The following ELAC2 variants were observed in gnomAD, a reference collection of about 807,000 sequenced individuals.
ELAC2 encodes the protein zinc phosphodiesterase ELAC protein 2.
A neutral mutation model predicts 105.2 loss-of-function variants in ELAC2; 92 were observed. The ratio of observed to expected loss-of-function variants is 0.87; its 90% CI spans 0.74 to 1.04. ELAC2 has a LOEUF of 1.04. ELAC2 is among the 50% of genes least tolerant of loss of function. The probability of loss-of-function intolerance (pLI) is 0.00; values close to 1 mark genes in which losing one functional copy is unlikely to be tolerated. For missense variants in ELAC2, 1,099 were observed against 1,071.7 expected (o/e 1.03, Z -0.36); for synonymous variants, 468 against 409.1 (o/e 1.14, Z -1.74).
chr17:13,002,776 C>T (rs927271732), intron 12 of ELAC2, 197 bp from the exon 13 acceptor site: 21 of 810,674 alleles, frequency 2.6e-5, no homozygotes, highest in Non-Finnish European at 3.8e-5. Context: ...AGCTCAGCTG[C>T]CTTTCAGGTG....
In ELAC2 at chr17:13,011,613, A is replaced by G. The variant is rs761430556; in HGVS notation, c.679+50T>C. 7 of 1,613,880 alleles carry G rather than the reference A, an allele frequency of 4.3e-6. No individual in the cohort carries two copies. The African/African-American group carries it at 9.3e-5, about 22-fold the overall frequency. ...CTCTACAAGCATTACAAGGCAGAGA[A>G]TTAAGAAAACGCAAGCCTTTCTGCT... On this transcript the variant is annotated intron_variant, in intron 7 of 23. Transcript: ENST00000338034.
At chr17:12,998,630 G>A in intron 15 of ELAC2, 122 bp from the exon 16 acceptor site, 3 of 935,644 alleles carry the variant, frequency 3.2e-6, no homozygotes, top group Non-Finnish European at 5.1e-6. Context: ...ATGTGGAAAC[G>A]TGCTCCCTAG....
chr17:12,992,127 T>TTTCA lies in ELAC2; in HGVS notation c.*690_*691insTGAA, dbSNP rs576770130. Among the ~76,000 whole-genome samples, 26 of 150,762 alleles carry TTTCA rather than the reference T, an allele frequency of 1.7e-4. 1 individual carries two copies. The highest frequency in any genetic ancestry group is 6.4e-4 in the African/African-American group (26 of 40,866). ...GCCCAGCCAGGCTCTCACTGATTGA[T>TTTCA]TTGATTGATTGATTGATTGATTGAT... On this transcript the variant is annotated 3_prime_UTR_variant, in exon 24 of 24. Transcript: ENST00000338034.
chr17:12,999,514 C>T (rs2040649362), intron 15 of ELAC2, among the ~76,000 whole-genome samples: 1 of 152,256 alleles, frequency 6.6e-6, no homozygotes, highest in South Asian at 2.1e-4. Flanking sequence ...ATCCGCAAAG[C>T]CAGGACTAGA....
intron 22 of ELAC2, 112 bp from the exon 23 acceptor site, chr17:12,993,943 G>C: frequency 6.6e-7 from 1 of 1,524,598 alleles, no homozygotes; most frequent in Non-Finnish European, 8.9e-7. Flanking sequence ...GAAGCTGGTG[G>C]GTTTTCTTAA....
At chr17:13,013,807 A>G (rs553820445) in intron 5 of ELAC2, among the ~76,000 whole-genome samples, 1 of 152,064 alleles carries the variant, frequency 6.6e-6, no homozygotes, top group African/African-American at 2.4e-5. Context: ...TGGCCACAAA[A>G]CCTCTAGGGA....
In ELAC2 at chr17:12,992,135, A is replaced by ATTGAT. The variant is rs950616227; in HGVS notation, c.*678_*682dup. ...AGGCTCTCACTGATTGATTTGATTGATTGATTGATTGATTGATAGAGAAAG... is the reference window on the plus strand; with the variant it reads ...AGGCTCTCACTGATTGATTTGATTGATTGATTTGATTGATTGATTGATAGAGAAAG... On this transcript the variant is annotated 3_prime_UTR_variant, in exon 24 of 24. Coordinates refer to ENST00000338034, the MANE Select transcript of ELAC2 (RefSeq NM_018127.7). Among the ~76,000 whole-genome samples, 5 of 124,806 alleles carry ATTGAT rather than the reference A, an allele frequency of 4.0e-5. No homozygotes were observed. The highest frequency in any genetic ancestry group is 1.9e-4 in the East Asian group (1 of 5,136). 81.9% of individuals were successfully genotyped at this position (124,806 alleles called of 152,430 possible).
intron 7 of ELAC2, 45 bp downstream of exon 7, chr17:13,011,618 G>C: frequency 6.2e-7 from 1 of 1,614,098 alleles, no homozygotes; most frequent in Non-Finnish European, 8.5e-7. Context: ...AGAGAATTAA[G>C]AAAACGCAAG....
chr17:12,994,355 C>T lies in ELAC2; in HGVS notation c.2108+70G>A, dbSNP rs940163499. 57 of 1,560,530 alleles carry T rather than the reference C, an allele frequency of 3.7e-5. No homozygotes were observed. The Middle Eastern group carries it at 8.4e-4, about 23-fold the overall frequency. On this transcript the variant is annotated intron_variant, in intron 22 of 23. Transcript: ENST00000338034. Reference sequence around the variant, plus strand: ...GCCCCACATCAGTGGAGACAAACGACGGCTGCTCAGTGTCACGTAGTGGGG... The same window carrying T: ...GCCCCACATCAGTGGAGACAAACGATGGCTGCTCAGTGTCACGTAGTGGGG...
In ELAC2 at chr17:13,000,153, C is replaced by T. The variant is rs2143590195; in HGVS notation, c.1423+3G>A. 6 of 1,613,090 alleles carry T rather than the reference C, an allele frequency of 3.7e-6. No individual in the cohort carries two copies. The highest frequency in any genetic ancestry group is 5.1e-6 in the Non-Finnish European group (6 of 1,179,854). On this transcript the variant is annotated splice_donor_region_variant and intron_variant, in intron 15 of 23. Transcript: ENST00000338034. ...AAAGGCTGCTCTGTGGGCTCCCACT[C>T]ACCTGCTGGGGCTGGGCCGTCCTGC...
At position 13,004,993 on chromosome 17, in the gene ELAC2, G is replaced by C. The variant is rs1286072867; in HGVS notation, c.979C>G (p.Gln327Glu). The C allele has an allele frequency of 6.2e-7, 1 of 1,612,766 alleles. No homozygotes were observed. The highest frequency in any genetic ancestry group is 8.5e-7 in the Non-Finnish European group (1 of 1,178,824). ...ACCCTAGAGACCCCTCATTACCTCT[G>C]AAAGGTGGCATTCTCACAGATGGGT... Reference protein sequence around the residue: ...IQPICENATFQRYQGKADAPV... With the variant: ...IQPICENATFERYQGKADAPV... Residue 327 changes from glutamine to glutamate, a missense_variant, in exon 11 of 24, where the codon CAG (glutamine) becomes GAG (glutamate). Gln to Glu is a conservative substitution (Grantham distance 29). Transcript: ENST00000338034.
At chr17:13,012,301 A>G (rs1225538292) in intron 6 of ELAC2, among the ~76,000 whole-genome samples, 1 of 152,238 alleles carries the variant, frequency 6.6e-6, no homozygotes, top group Non-Finnish European at 1.5e-5. Flanking sequence ...CACATATGAA[A>G]GTTAACTGTC....
Position 13,016,850 on chromosome 17 carries a change from G to T in ELAC2, c.367+12C>A. 6.2e-7 allele frequency: 1 copy of T among 1,612,958 alleles called. No homozygotes were observed. The highest frequency in any genetic ancestry group is 1.3e-5 in the African/African-American group (1 of 74,726). ...TCCCACCAGCCTCTGACACTGCAAA[G>T]AATATACTCACCACTTAAGCCCCCA... is the stretch of plus-strand genomic sequence containing the variant. On this transcript the variant is annotated intron_variant, in intron 3 of 23. Coordinates refer to ENST00000338034, the MANE Select transcript of ELAC2 (RefSeq NM_018127.7).
rs577951004 is a variant in ELAC2 at position 13,017,707 on chromosome 17, T to C, written c.241A>G (p.Asn81Asp). Residue 81 changes from asparagine to aspartate, a missense_variant, in exon 1 of 24, where the codon AAC (asparagine) becomes GAC (aspartate). By Grantham distance (23) the Asn-to-Asp change is conservative (BLOSUM62 1). Transcript: ENST00000338034. Reference sequence around the variant, plus strand: ...GGGCGTGGCTCGTTGACTGACCGGTTGAACTCGGAGAAGACGTAGAGCGCG... The same window carrying C: ...GGGCGTGGCTCGTTGACTGACCGGTCGAACTCGGAGAAGACGTAGAGCGCG... ...GAALYVFSEF[N>D]RYLFNCGEGV... is the part of the protein sequence containing the mutation. 4.3e-6 allele frequency: 7 copies of C among 1,613,108 alleles called. No individual in the cohort carries two copies. Among genetic ancestry groups the C allele is most frequent in the African/African-American group, 2.7e-5 (2 of 75,040 alleles).
At chr17:13,006,599 T>C (rs528514173) in intron 8 of ELAC2, 30 of 158,764 alleles carry the variant, frequency 1.9e-4, no homozygotes, top group African/African-American at 6.3e-4. Context: ...TCAAGTATCA[T>C]TGAGGAGAAA....
chr17:13,001,064 C>A (rs956822912), intron 14 of ELAC2, among the ~76,000 whole-genome samples: 1 of 152,162 alleles, frequency 6.6e-6, no homozygotes, highest in African/African-American at 2.4e-5. Context: ...CCGAGTCTTG[C>A]TAGTATAGTC....
At chr17:13,009,603 G>C (rs1029474924) in intron 8 of ELAC2, among the ~76,000 whole-genome samples, 2 of 152,322 alleles carry the variant, frequency 1.3e-5, no homozygotes, top group Non-Finnish European at 1.5e-5. Flanking sequence ...AGAGTTAAAA[G>C]ACTTTGAATA....
chr17:13,010,849 T>G (rs1420476150), intron 7 of ELAC2, among the ~76,000 whole-genome samples, 178 bp from the exon 8 acceptor site: 1 of 152,230 alleles, frequency 6.6e-6, no homozygotes, highest in African/African-American at 2.4e-5. Context: ...CCTACTTATG[T>G]GGAGATGTGT....
chr17:13,003,310 T>C (rs542961866), intron 12 of ELAC2, 169 bp downstream of exon 12: 15 of 703,584 alleles, frequency 2.1e-5, no homozygotes, highest in South Asian at 2.0e-4. Context: ...TCTTCACGAG[T>C]GTAGCACAGA....
Sources: allele counts gnomAD v4.1 joint callset (sites outside exome capture counted in the v4.1 genomes callset), GRCh38; gene constraint gnomAD v4.1.1; transcripts MANE v1.5; gene names NCBI Gene and HGNC (gene_info 2026-07-23, HGNC 2026-07-21).